Variants in KIF6 observed in about 807,000 individuals in gnomAD.
KIF6 encodes kinesin family member 6.
Under a neutral mutation model 112.7 loss-of-function variants are expected in KIF6, and 106 were observed. The ratio of observed to expected loss-of-function variants is 0.94; its 90% CI spans 0.80 to 1.11. The LOEUF is 1.11. KIF6 is among the 50% of genes least tolerant of loss of function. The pLI is 0.00. For missense variants in KIF6, 929 were observed against 964.0 expected, an observed-to-expected ratio of 0.96 and a Z score of 0.48; for synonymous variants, 339 against 339.9, an observed-to-expected ratio of 1.00 and a Z score of 0.03.
At chr6:39,587,552 A>G (rs1384531578) in intron 7 of KIF6, among the ~76,000 whole-genome samples, 1 of 152,136 alleles carries the variant, frequency 6.6e-6, no homozygotes, top group Non-Finnish European at 1.5e-5. Flanking sequence ...CTCAGAAATG[A>G]GACCTTCACA....
chr6:39,363,330 G>A (rs117375858), intron 16 of KIF6, among the ~76,000 whole-genome samples: 93 of 152,254 alleles, frequency 6.1e-4, no homozygotes, highest in East Asian at 4.1e-3. Flanking sequence ...CCTGATGAAC[G>A]CAGGCCATGT....
chr6:39,535,374 C>T (rs1481286349), intron 13 of KIF6, among the ~76,000 whole-genome samples: 1 of 151,808 alleles, frequency 6.6e-6, no homozygotes, highest in Non-Finnish European at 1.5e-5. Context: ...GAAGATCTAC[C>T]AAGCAAATGG....
At chr6:39,422,323 C>T (rs985096516) in intron 14 of KIF6, among the ~76,000 whole-genome samples, 5 of 152,164 alleles carry the variant, frequency 3.3e-5, no homozygotes, top group African/African-American at 4.8e-5. Flanking sequence ...CAGAGGGAGC[C>T]GCTGAGTGCT....
chr6:39,447,100 A>G (rs1488754139), intron 13 of KIF6, among the ~76,000 whole-genome samples: 1 of 152,234 alleles, frequency 6.6e-6, no homozygotes, highest in African/African-American at 2.4e-5. Context: ...ATGACGGGTT[A>G]GCAATGTAGG....
At position 39,567,659 on chromosome 6, in the gene KIF6, G is replaced by A. The variant is rs144121440; in HGVS notation, c.1181+10397C>T. ...GTCTCGCTCTGTCGCCCAGGCTGGA[G>A]TGCAGTGGCGCTATCTCGGCTCACT... On this transcript the variant is annotated intron_variant, in intron 10 of 22. Coordinates refer to ENST00000287152, the MANE Select transcript of KIF6 (RefSeq NM_145027.6). 5.0e-3 allele frequency among the ~76,000 whole-genome samples: 755 copies of A among 151,524 alleles called. 39 individuals carry two copies. In the East Asian group the frequency reaches 0.13, roughly 25 times the overall value.
chr6:39,702,002 A>G (rs1376843604), intron 3 of KIF6, among the ~76,000 whole-genome samples: 2 of 152,220 alleles, frequency 1.3e-5, no homozygotes, highest in Non-Finnish European at 2.9e-5. Context: ...GATGCTTCTG[A>G]TATAATGAAT....
chr6:39,364,009 T>C (rs774817833), intron 16 of KIF6, among the ~76,000 whole-genome samples: 15 of 152,184 alleles, frequency 9.9e-5, no homozygotes, highest in Non-Finnish European at 1.9e-4. Context: ...TTTGGCTCTT[T>C]GGAGCAGTGT....
intron 16 of KIF6, among the ~76,000 whole-genome samples, chr6:39,366,114 A>G (rs1765537711): frequency 6.6e-6 from 1 of 152,204 alleles, no homozygotes. Flanking sequence ...CGGGAGCCTT[A>G]GGCAAGGAGC....
intron 20 of KIF6, among the ~76,000 whole-genome samples, chr6:39,346,082 CT>C: frequency 5.0e-5 from 1 of 19,954 alleles, no homozygotes; most frequent in African/African-American, 5.0e-4. Flanking sequence ...CTCTCTCTCT[CT>C]CTCCCCCCCC....
intron 15 of KIF6, among the ~76,000 whole-genome samples, chr6:39,394,900 TC>T (rs1030013984): frequency 3.3e-5 from 5 of 152,190 alleles, no homozygotes; most frequent in African/African-American, 1.2e-4. Flanking sequence ...TGTCTTGATT[TC>T]CCCCCGTGGG....
chr6:39,528,006 T>C lies in KIF6; in HGVS notation c.1645+11997A>G, dbSNP rs145357200. Among the ~76,000 whole-genome samples the C allele has an allele frequency of 1.8e-3, 276 of 152,328 alleles. 1 individual carries two copies. Among genetic ancestry groups the C allele is most frequent in the African/African-American group, 6.1e-3 (255 of 41,580 alleles). ...TTGAAATTTACTCTGTCAGCAATTT[T>C]GAAATGTACATTATTTATTATATTC... On this transcript the variant is annotated intron_variant, in intron 13 of 22. Transcript: ENST00000287152.
chr6:39,703,029 C>T (rs1383803039), intron 3 of KIF6, among the ~76,000 whole-genome samples: 1 of 92,446 alleles, frequency 1.1e-5, no homozygotes, highest in South Asian at 5.1e-4. Context: ...CCCAACTCCA[C>T]CCCACCCCCA....
intron 13 of KIF6, among the ~76,000 whole-genome samples, chr6:39,435,150 G>A (rs1408449686): frequency 6.6e-6 from 1 of 152,128 alleles, no homozygotes; most frequent in African/African-American, 2.4e-5. Context: ...CTGACAGAAA[G>A]GGCAAGGTGG....
At chr6:39,698,426 CAACTT>C (rs1320551787) in intron 3 of KIF6, among the ~76,000 whole-genome samples, 1 of 152,110 alleles carries the variant, frequency 6.6e-6, no homozygotes, top group African/African-American at 2.4e-5. Context: ...AAAGTAAACA[CAACTT>C]AAATTATAAG....
chr6:39,596,693 G>A (rs551557182), intron 6 of KIF6, among the ~76,000 whole-genome samples: 2 of 152,078 alleles, frequency 1.3e-5, no homozygotes, highest in African/African-American at 4.8e-5. Context: ...TACCATCACT[G>A]TTACTACTCA....
At chr6:39,371,221 C>T (rs375716519) in intron 16 of KIF6, among the ~76,000 whole-genome samples, 1 of 152,156 alleles carries the variant, frequency 6.6e-6, no homozygotes. Context: ...ACACTTGACA[C>T]TTACATTCTT....
At chr6:39,497,610 T>C (rs1775864155) in intron 13 of KIF6, among the ~76,000 whole-genome samples, 1 of 152,140 alleles carries the variant, frequency 6.6e-6, no homozygotes, top group African/African-American at 2.4e-5. Flanking sequence ...GTCCATACAT[T>C]ACAACGTGAG....
At chr6:39,631,782 A>G (rs1267618955) in intron 5 of KIF6, among the ~76,000 whole-genome samples, 4 of 151,644 alleles carry the variant, frequency 2.6e-5, no homozygotes, top group Admixed American at 6.6e-5. Context: ...AGACTCAGAG[A>G]ATAACCTGGG....
At chr6:39,578,467 T>C (rs935978041) in intron 9 of KIF6, among the ~76,000 whole-genome samples, 2 of 151,562 alleles carry the variant, frequency 1.3e-5, no homozygotes, top group African/African-American at 4.9e-5. Flanking sequence ...TAGCTGGGAC[T>C]ACAGGCGCAT....
Sources: allele counts gnomAD v4.1 joint callset (sites outside exome capture counted in the v4.1 genomes callset), GRCh38; gene constraint gnomAD v4.1.1; transcripts MANE v1.5; gene names NCBI Gene and HGNC (gene_info 2026-07-23, HGNC 2026-07-21).